CUL1: variants seen among roughly 807,000 people sequenced by gnomAD.
The protein encoded by CUL1 is cullin 1, also known as cullin-1.
CUL1 carries 24 observed loss-of-function variants against 118.0 expected under a neutral mutation model. That is an observed-to-expected ratio of 0.20 (90% CI 0.15 to 0.29). The LOEUF (loss-of-function observed/expected upper bound fraction) is 0.29, where lower values mean the gene tolerates loss of function less well. Among genes scored for constraint, CUL1 ranks in the 10% least tolerant of loss-of-function variants. CUL1 has a pLI of 1.00. For missense variants in CUL1, 361 were observed against 933.8 expected (o/e 0.39, Z 7.99); for synonymous variants, 332 against 340.4 (o/e 0.98, Z 0.27).
intron 2 of CUL1, among the ~76,000 whole-genome samples, chr7:148,741,674 A>G (rs577500151): frequency 9.0e-6 from 1 of 111,570 alleles, no homozygotes; most frequent in South Asian, 3.3e-4. Flanking sequence ...CCTGGCCTCA[A>G]GTGATTCTCC....
At chr7:148,797,208 G>A (rs1337136194) in intron 17 of CUL1, among the ~76,000 whole-genome samples, 3 of 152,108 alleles carry the variant, frequency 2.0e-5, no homozygotes, top group Admixed American at 1.3e-4. Context: ...GTCTTGCTGG[G>A]CAGCTCTTTA....
chr7:148,725,860 G>A (rs1798563648), intron 1 of CUL1, among the ~76,000 whole-genome samples: 1 of 152,120 alleles, frequency 6.6e-6, no homozygotes, highest in African/African-American at 2.4e-5. Flanking sequence ...CTTTAAACCC[G>A]CCCACTTAAG....
intron 1 of CUL1, among the ~76,000 whole-genome samples, chr7:148,718,661 T>C (rs1274421386): frequency 6.6e-6 from 1 of 152,208 alleles, no homozygotes; most frequent in Non-Finnish European, 1.5e-5. Context: ...TATTCCACTT[T>C]GGGGCTATTA....
chr7:148,704,468 T>C (rs1275966961), intron 1 of CUL1, among the ~76,000 whole-genome samples: 1 of 152,216 alleles, frequency 6.6e-6, no homozygotes, highest in Non-Finnish European at 1.5e-5. Context: ...TCTAAGAATT[T>C]AGTCTAAGAA....
intron 1 of CUL1, among the ~76,000 whole-genome samples, chr7:148,717,069 T>TTTTGC (rs1057063849): frequency 3.3e-5 from 5 of 151,676 alleles, no homozygotes; most frequent in African/African-American, 1.2e-4. Context: ...TTTTGTTTTG[T>TTTTGC]TTTGTTTTGA....
At chr7:148,783,508 CTCTT>C (rs202023440) in intron 9 of CUL1, 20,226 of 1,301,332 alleles carry the variant, frequency 0.016, 184 homozygotes, top group Non-Finnish European at 0.018. Context: ...TTTTCATGAT[CTCTT>C]TGAGTTTTCA....
intron 9 of CUL1, among the ~76,000 whole-genome samples, chr7:148,769,961 C>G (rs1237223784): frequency 6.6e-6 from 1 of 152,108 alleles, no homozygotes; most frequent in Non-Finnish European, 1.5e-5. Context: ...TTTTCCAAAC[C>G]AAAGTAAGGT....
intron 7 of CUL1, among the ~76,000 whole-genome samples, chr7:148,765,495 C>T (rs371642187): frequency 1.3e-5 from 2 of 151,988 alleles, no homozygotes; most frequent in African/African-American, 2.4e-5. Context: ...CCGGGTATGG[C>T]GGCATGCACC....
In CUL1 at chr7:148,730,011, T is replaced by G; in HGVS notation, c.-112T>G. On this transcript the variant is annotated 5_prime_UTR_variant, in exon 2 of 22. Coordinates refer to ENST00000325222, the MANE Select transcript of CUL1 (RefSeq NM_003592.3). Reference sequence around the variant, plus strand: ...CTCTACATTTAAAGGACATCCTTTCTGAGCTGCTGTGAATAAATTTGGAAT... The same window carrying G: ...CTCTACATTTAAAGGACATCCTTTCGGAGCTGCTGTGAATAAATTTGGAAT... The G allele has an allele frequency of 6.7e-6, 8 of 1,198,474 alleles. No individual in the cohort carries two copies. The highest frequency in any genetic ancestry group is 9.2e-6 in the Non-Finnish European group (8 of 865,130). The allele number at this position is 1,198,474 out of a possible 1,614,324, so 74.2% of individuals were successfully genotyped here.
chr7:148,737,576 ATATTTATTTATTTATTTATT>A (rs200912415), intron 2 of CUL1, among the ~76,000 whole-genome samples: 5 of 127,004 alleles, frequency 3.9e-5, no homozygotes, highest in South Asian at 2.3e-4. Context: ...ATATATTTTT[ATATTTATTTATTTATTTATT>A]TATTTATTTA....
At chr7:148,716,133 A>ATG (rs1252521806) in intron 1 of CUL1, among the ~76,000 whole-genome samples, 5 of 152,080 alleles carry the variant, frequency 3.3e-5, no homozygotes, top group Non-Finnish European at 7.3e-5. Context: ...TGGCTCCAAG[A>ATG]TGTTCTTCTA....
chr7:148,706,283 G>C (rs1235990672), intron 1 of CUL1, among the ~76,000 whole-genome samples: 1 of 152,158 alleles, frequency 6.6e-6, no homozygotes, highest in East Asian at 1.9e-4. Context: ...TTCAGTGCTT[G>C]GTATGAGCCA....
intron 2 of CUL1, among the ~76,000 whole-genome samples, chr7:148,737,521 T>C (rs1379160625): frequency 6.6e-6 from 1 of 150,996 alleles, no homozygotes; most frequent in Non-Finnish European, 1.5e-5. Flanking sequence ...AACTTGTTAA[T>C]GTTTGAAGAT....
rs3059215 is a variant in CUL1 at position 148,723,662 on chromosome 7, C to CA, written c.-161-6288dup. Reference sequence around the variant, plus strand: ...ATAAATAATAGAATATATGACTCACCAAAAAAAAAAAAGAGGTATATTTCA... The same window carrying CA: ...ATAAATAATAGAATATATGACTCACCAAAAAAAAAAAAAGAGGTATATTTCA... On this transcript the variant is annotated intron_variant, in intron 1 of 21. Transcript: ENST00000325222. 3.2e-3 allele frequency among the ~76,000 whole-genome samples: 456 copies of CA among 142,090 alleles called. 1 individual carries two copies. Among genetic ancestry groups the CA allele is most frequent in the African/African-American group, 8.9e-3 (355 of 39,746 alleles). 93.2% of individuals were successfully genotyped at this position (142,090 alleles called of 152,430 possible).
chr7:148,709,353 A>G (rs1167690420), intron 1 of CUL1, among the ~76,000 whole-genome samples: 1 of 148,458 alleles, frequency 6.7e-6, no homozygotes, highest in Admixed American at 6.6e-5. Flanking sequence ...TCAGAAGTTT[A>G]TTTATTTGCA....
chr7:148,760,610 T>C, intron 7 of CUL1, 114 bp downstream of exon 7: 1 of 761,466 alleles, frequency 1.3e-6, no homozygotes. Context: ...GCATTGTTTT[T>C]CTAGAGTGTT....
At chr7:148,704,051 A>G (rs566176657) in intron 1 of CUL1, among the ~76,000 whole-genome samples, 2 of 152,282 alleles carry the variant, frequency 1.3e-5, no homozygotes, top group South Asian at 4.2e-4. Flanking sequence ...AATTCCATAA[A>G]CAGAATTAAA....
At chr7:148,795,840 G>A (rs887914205) in intron 17 of CUL1, among the ~76,000 whole-genome samples, 2 of 151,108 alleles carry the variant, frequency 1.3e-5, no homozygotes. Context: ...ATTGCTAAAT[G>A]TTTATTAGCT....
At chr7:148,794,266 T>C (rs571496530) in intron 17 of CUL1, among the ~76,000 whole-genome samples, 1 of 152,284 alleles carries the variant, frequency 6.6e-6, no homozygotes, top group African/African-American at 2.4e-5. Context: ...TTTTTCTTTA[T>C]ATTGTTTGTG....
Sources: gnomAD v4.1 joint callset for allele counts (sites outside exome capture counted in the v4.1 genomes callset) on GRCh38, gnomAD v4.1.1 for gene constraint, MANE v1.5 for transcripts, NCBI Gene and HGNC (gene_info 2026-07-23, HGNC 2026-07-21) for gene names.